ZNF503: variants seen among roughly 807,000 people sequenced by gnomAD.
ZNF503 encodes zinc finger protein 503, also known as NocA-like zinc finger 2.
ZNF503 carries 15 observed loss-of-function variants against 34.4 expected under a neutral mutation model. That is an observed-to-expected ratio of 0.44 (90% CI 0.29 to 0.67). ZNF503 has a LOEUF of 0.67. Among genes scored for constraint, ZNF503 ranks in the 30% least tolerant of loss-of-function variants. The pLI, the probability that ZNF503 is intolerant of heterozygous loss-of-function variation, is 0.13. For missense variants in ZNF503, 1,007 were observed against 926.8 expected, an observed-to-expected ratio of 1.09 and a Z score of -1.12; for synonymous variants, 580 against 456.8, an observed-to-expected ratio of 1.27 and a Z score of -3.44.
chr10:75,329,751 A>G, the ZNF503 span, among the ~76,000 whole-genome samples: 4 of 152,168 alleles, frequency 2.6e-5, no homozygotes, highest in Admixed American at 2.0e-4. Context: ...TGCTGGGATT[A>G]CAGGCATGAG....
the ZNF503 span, among the ~76,000 whole-genome samples, chr10:75,339,424 A>G: frequency 6.6e-6 from 1 of 152,204 alleles, no homozygotes; most frequent in Non-Finnish European, 1.5e-5. Flanking sequence ...ATGAGAGGGG[A>G]GCTTCGGAAA....
the ZNF503 span, among the ~76,000 whole-genome samples, chr10:75,366,344 T>C: frequency 6.6e-6 from 1 of 152,166 alleles, no homozygotes; most frequent in African/African-American, 2.4e-5. Context: ...GACAAAAGTG[T>C]CAGCATTGGC....
the ZNF503 span, chr10:75,360,941 A>T: frequency 6.6e-6 from 1 of 152,292 alleles, no homozygotes; most frequent in African/African-American, 2.4e-5. Context: ...AGAGAGAGAC[A>T]GGCCCTTGGG....
the ZNF503 span, among the ~76,000 whole-genome samples, chr10:75,288,952 C>A: frequency 1.3e-5 from 2 of 152,174 alleles, no homozygotes; most frequent in Non-Finnish European, 2.9e-5. Context: ...GCTTTGTCAG[C>A]AGTGGTCCAC....
the ZNF503 span, among the ~76,000 whole-genome samples, chr10:75,366,227 A>G: frequency 2.6e-5 from 4 of 152,226 alleles, no homozygotes; most frequent in African/African-American, 9.6e-5. Context: ...CCATTGCTTG[A>G]TAACAGCTGT....
At chr10:75,362,532 C>T in the ZNF503 span, among the ~76,000 whole-genome samples, 3 of 152,144 alleles carry the variant, frequency 2.0e-5, 1 homozygote, top group African/African-American at 7.2e-5. Flanking sequence ...CCCTATCAGG[C>T]AGCTCTTCTC....
At chr10:75,285,592 C>T in the ZNF503 span, among the ~76,000 whole-genome samples, 6 of 152,178 alleles carry the variant, frequency 3.9e-5, no homozygotes, top group South Asian at 2.1e-4. Context: ...GAAACGGTGA[C>T]GTGGGTGAGT....
the ZNF503 span, among the ~76,000 whole-genome samples, chr10:75,330,577 G>A: frequency 6.6e-6 from 1 of 152,208 alleles, no homozygotes; most frequent in African/African-American, 2.4e-5. Context: ...GTCAATCTTG[G>A]TAGGTTGTAT....
At chr10:75,317,489 G>T in the ZNF503 span, among the ~76,000 whole-genome samples, 20 of 148,796 alleles carry the variant, frequency 1.3e-4, no homozygotes, top group Non-Finnish European at 2.4e-4. Context: ...GTTTCACCGT[G>T]TTAGCCAGGA....
chr10:75,367,841 G>A, the ZNF503 span, among the ~76,000 whole-genome samples: 599 of 152,230 alleles, frequency 3.9e-3, 2 homozygotes, highest in Admixed American at 6.6e-3. Flanking sequence ...TACAGGGTTC[G>A]GGGACTGCCA....
intron 1 of ZNF503, 106 bp downstream of exon 1, chr10:75,400,999 G>A (rs1393478715): frequency 5.3e-6 from 8 of 1,507,144 alleles, no homozygotes; most frequent in East Asian, 2.4e-5. Context: ...TTCGGGAGCT[G>A]AATCACTCCG....
chr10:75,368,458 A>G, the ZNF503 span, among the ~76,000 whole-genome samples: 1 of 152,240 alleles, frequency 6.6e-6, no homozygotes, highest in East Asian at 1.9e-4. Flanking sequence ...AGAATAGTAA[A>G]CAGATATGCA....
At chr10:75,329,644 T>A in the ZNF503 span, among the ~76,000 whole-genome samples, 1 of 151,878 alleles carries the variant, frequency 6.6e-6, no homozygotes, top group African/African-American at 2.4e-5. Context: ...TTAAACCATT[T>A]TTTTTGTTTT....
At chr10:75,362,960 A>G in the ZNF503 span, among the ~76,000 whole-genome samples, 1 of 152,090 alleles carries the variant, frequency 6.6e-6, no homozygotes, top group Non-Finnish European at 1.5e-5. Context: ...GCCTTGGCCA[A>G]GTCCCCACCC....
the ZNF503 span, among the ~76,000 whole-genome samples, chr10:75,287,288 C>T: frequency 6.6e-6 from 1 of 152,100 alleles, no homozygotes; most frequent in South Asian, 2.1e-4. Flanking sequence ...TTGTAATGCT[C>T]TTCTATCACG....
At chr10:75,297,548 C>G in the ZNF503 span, among the ~76,000 whole-genome samples, 1 of 152,138 alleles carries the variant, frequency 6.6e-6, no homozygotes, top group Non-Finnish European at 1.5e-5. Context: ...GAAACAGAAA[C>G]TTGCTCAGGC....
In ZNF503 at chr10:75,401,314, G is replaced by A. The variant is rs1589134726; in HGVS notation, c.106C>T (p.Leu36Phe). 1 of 1,549,654 alleles carries A rather than the reference G, an allele frequency of 6.5e-7. No homozygotes were observed. Among genetic ancestry groups the A allele is most frequent in the Non-Finnish European group, 8.7e-7 (1 of 1,150,758 alleles). ...CCGGGGCCGGAGCTATTTCCAGAGA[G>A]CGCGCTGGTCCAGGCAGGGTCTGCA... ...GGADPAWTSA[L>F]SGNSSGPGPG... Residue 36 changes from leucine to phenylalanine, a missense_variant, in exon 1 of 2, where the codon CTC becomes TTC. By Grantham distance (22) the Leu-to-Phe change is conservative (BLOSUM62 0). Coordinates refer to ENST00000372524, the MANE Select transcript of ZNF503 (RefSeq NM_032772.6).
At chr10:75,318,891 CTTCT>C in the ZNF503 span, among the ~76,000 whole-genome samples, 3 of 146,878 alleles carry the variant, frequency 2.0e-5, no homozygotes, top group Non-Finnish European at 4.4e-5. Context: ...TTCTTCCTTC[CTTCT>C]TTCCTTCTTT....
the ZNF503 span, among the ~76,000 whole-genome samples, chr10:75,333,918 G>A: frequency 1.6e-4 from 8 of 49,150 alleles, no homozygotes; most frequent in Admixed American, 8.7e-4. Context: ...GGGCAGAGGC[G>A]CTCCCCACAT....
Sources: allele counts gnomAD v4.1 joint callset (sites outside exome capture counted in the v4.1 genomes callset), GRCh38; gene constraint gnomAD v4.1.1; transcripts MANE v1.5; gene names NCBI Gene and HGNC (gene_info 2026-07-23, HGNC 2026-07-21).